The following DLGAP4 variants were observed in gnomAD, a reference collection of about 807,000 sequenced individuals.
The protein encoded by DLGAP4 is disks large-associated protein 4.
In DLGAP4, 18 loss-of-function variants were observed where a neutral mutation model predicts 86.9. The ratio of observed to expected loss-of-function variants is 0.21; its 90% CI spans 0.14 to 0.31. The LOEUF (loss-of-function observed/expected upper bound fraction) is 0.31, where lower values mean the gene tolerates loss of function less well. DLGAP4 is among the 10% of genes least tolerant of loss of function. The pLI is 1.00. For synonymous variants in DLGAP4, 548 were observed against 574.3 expected (o/e 0.95, Z 0.65); for missense variants, 1,085 against 1,362.6 (o/e 0.80, Z 3.21).
intron 7 of DLGAP4, among the ~76,000 whole-genome samples, chr20:36,493,811 T>C (rs1422480886): frequency 6.6e-6 from 1 of 152,158 alleles, no homozygotes; most frequent in Non-Finnish European, 1.5e-5. Flanking sequence ...ACCTGCAAAG[T>C]GGGCATAGTC....
At chr20:36,491,578 C>T (rs552611174) in intron 7 of DLGAP4, among the ~76,000 whole-genome samples, 7 of 151,214 alleles carry the variant, frequency 4.6e-5, no homozygotes, top group South Asian at 2.1e-4. Context: ...CTTGGATGCA[C>T]GGAGGTGTGC....
chr20:36,407,462 C>A (rs1298602561), intron 2 of DLGAP4, among the ~76,000 whole-genome samples: 2 of 152,106 alleles, frequency 1.3e-5, no homozygotes, highest in Admixed American at 6.6e-5. Flanking sequence ...GGTCATGACT[C>A]AGAAACGTCT....
intron 2 of DLGAP4, among the ~76,000 whole-genome samples, chr20:36,382,370 G>T (rs898471022): frequency 5.3e-5 from 8 of 150,468 alleles, no homozygotes; most frequent in African/African-American, 2.0e-4. Context: ...GTGCCACTGT[G>T]CCTGGCCTTT....
At chr20:36,430,992 A>G (rs561881644) in intron 2 of DLGAP4, among the ~76,000 whole-genome samples, 2 of 151,372 alleles carry the variant, frequency 1.3e-5, no homozygotes, top group East Asian at 3.9e-4. Context: ...CTGGCCCTCT[A>G]AAAGTCCATG....
chr20:36,457,769 C>A (rs2033916501), intron 7 of DLGAP4, among the ~76,000 whole-genome samples: 2 of 151,656 alleles, frequency 1.3e-5, no homozygotes. Flanking sequence ...CACACCTTGG[C>A]CTCCCAAAGT....
rs535179841 is a variant in DLGAP4, at chr20:36,516,930, A to G, written c.2513-7320A>G. On this transcript the variant is annotated intron_variant, in intron 10 of 12. Coordinates refer to ENST00000339266, the MANE Select transcript of DLGAP4 (RefSeq NM_001365621.2). ...ACATAATGAAACCCCACGAAACACCATGCCTGGCTAATTTTATATTTTGTA... is the reference window on the plus strand; with the variant it reads ...ACATAATGAAACCCCACGAAACACCGTGCCTGGCTAATTTTATATTTTGTA... Among the ~76,000 whole-genome samples, 25 of 151,946 alleles carry G rather than the reference A, an allele frequency of 1.6e-4. No homozygotes were observed. In the South Asian group the frequency reaches 4.8e-3, roughly 29 times the overall value.
intron 2 of DLGAP4, among the ~76,000 whole-genome samples, chr20:36,423,930 A>G (rs2147524288): frequency 6.6e-6 from 1 of 152,256 alleles, no homozygotes; most frequent in South Asian, 2.1e-4. Context: ...GCTGCACTCC[A>G]GCCCGAGTGA....
chr20:36,501,417 G>A (rs1199671600), intron 10 of DLGAP4, among the ~76,000 whole-genome samples: 1 of 152,210 alleles, frequency 6.6e-6, no homozygotes, highest in Non-Finnish European at 1.5e-5. Context: ...GGATCCAACT[G>A]GGTCTCAATA....
intron 2 of DLGAP4, among the ~76,000 whole-genome samples, chr20:36,427,031 T>G (rs78135953): frequency 6.8e-6 from 1 of 147,204 alleles, no homozygotes; most frequent in Non-Finnish European, 1.5e-5. Context: ...AAAAAAAAAA[T>G]GTTTTTTCTA....
rs748040174 is a variant in DLGAP4, at chr20:36,524,275, G to A, written c.2538G>A (p.Val846=). Residue 846 remains valine (V), a synonymous_variant, in exon 11 of 13, where the codon GTG becomes GTA. Coordinates refer to ENST00000339266, the MANE Select transcript of DLGAP4 (RefSeq NM_001365621.2). ...EEVLGKVLSA[V]GSAQLLMSQK... Reference sequence around the variant, plus strand: ...TCTTAGGAAAAGTCCTCAGTGCTGTGGGCAGTGCCCAGCTACTGATGTCCC... The same window carrying A: ...TCTTAGGAAAAGTCCTCAGTGCTGTAGGCAGTGCCCAGCTACTGATGTCCC... 7 of 1,614,166 alleles carry A rather than the reference G, an allele frequency of 4.3e-6. No individual in the cohort carries two copies. The Admixed American group carries it at 8.3e-5, about 19-fold the overall frequency.
intron 7 of DLGAP4, among the ~76,000 whole-genome samples, chr20:36,490,809 G>T (rs1260045460): frequency 6.6e-6 from 1 of 152,152 alleles, no homozygotes; most frequent in African/African-American, 2.4e-5. Flanking sequence ...TCTTGAGGTT[G>T]CTGTGTCCTC....
chr20:36,482,559 C>T (rs1220143867), intron 7 of DLGAP4, among the ~76,000 whole-genome samples: 1 of 152,214 alleles, frequency 6.6e-6, no homozygotes, highest in Non-Finnish European at 1.5e-5. Flanking sequence ...CTTCACCAGA[C>T]CAAGCGGGCT....
intron 7 of DLGAP4, among the ~76,000 whole-genome samples, chr20:36,455,090 G>A (rs2033845443): frequency 6.6e-6 from 1 of 152,040 alleles, no homozygotes; most frequent in South Asian, 2.1e-4. Flanking sequence ...GCCCCCTCCT[G>A]CCTCTCTTCT....
Position 36,527,642 on chromosome 20 carries a change from GCA to G in DLGAP4, c.*623_*624del, listed in dbSNP as rs886274593. 6 of 147,464 alleles carry G rather than the reference GCA, an allele frequency of 4.1e-5. No homozygotes were observed. The highest frequency in any genetic ancestry group is 6.2e-5 in the Non-Finnish European group (4 of 64,896). The allele number at this position is 147,464 out of a possible 1,614,324, so 9.1% of individuals were successfully genotyped here. ...CAAGTGCTCACACACAACCTCACGC[GCA>G]CACACACACACGCAGATGGAGGCGC... On this transcript the variant is annotated 3_prime_UTR_variant, in exon 13 of 13. Coordinates refer to ENST00000339266, the MANE Select transcript of DLGAP4 (RefSeq NM_001365621.2).
chr20:36,333,791 G>A (rs563078970), intron 1 of DLGAP4, among the ~76,000 whole-genome samples: 257 of 150,666 alleles, frequency 1.7e-3, no homozygotes, highest in Non-Finnish European at 3.0e-3. Context: ...ACCCAGCTTC[G>A]GGCTGTTACT....
chr20:36,326,879 G>T (rs1469297439), intron 1 of DLGAP4, among the ~76,000 whole-genome samples: 9 of 151,120 alleles, frequency 6.0e-5, no homozygotes, highest in Non-Finnish European at 1.3e-4. Context: ...GTATTTTAAA[G>T]TTGTTCCACT....
At chr20:36,472,969 G>T (rs2034737894) in intron 7 of DLGAP4, 1 of 152,264 alleles carries the variant, frequency 6.6e-6, no homozygotes, top group South Asian at 2.1e-4. Context: ...CTGGCCCACT[G>T]CTGTCTGGGA....
intron 10 of DLGAP4, among the ~76,000 whole-genome samples, chr20:36,511,851 G>C (rs2147815442): frequency 6.7e-6 from 1 of 148,976 alleles, no homozygotes; most frequent in South Asian, 2.2e-4. Context: ...CTCCAGCCTG[G>C]GCGACAGAGG....
intron 2 of DLGAP4, among the ~76,000 whole-genome samples, chr20:36,394,549 T>C (rs537651723): frequency 6.6e-6 from 1 of 152,278 alleles, no homozygotes; most frequent in Admixed American, 6.5e-5. Flanking sequence ...CTGTGGTGCG[T>C]GTGTGTGCAC....
Sources: gnomAD v4.1 joint callset for allele counts (sites outside exome capture counted in the v4.1 genomes callset) on GRCh38, gnomAD v4.1.1 for gene constraint, MANE v1.5 for transcripts, NCBI Gene and HGNC (gene_info 2026-07-23, HGNC 2026-07-21) for gene names.